PROS1: variants seen among roughly 807,000 people sequenced by gnomAD.
The protein encoded by PROS1 is protein S.
PROS1 carries 29 observed loss-of-function variants against 75.9 expected under a neutral mutation model. The ratio of observed to expected loss-of-function variants is 0.38; its 90% CI spans 0.28 to 0.52. The LOEUF is 0.52. PROS1 is among the 20% of genes least tolerant of loss of function. The pLI, the probability that PROS1 is intolerant of heterozygous loss-of-function variation, is 0.83. For missense variants in PROS1, 680 were observed against 810.3 expected (o/e 0.84, Z 1.95); for synonymous variants, 245 against 280.6 (o/e 0.87, Z 1.27).
At chr3:93,957,938 C>T (rs531323988) in intron 1 of PROS1, among the ~76,000 whole-genome samples, 4 of 152,010 alleles carry the variant, frequency 2.6e-5, no homozygotes, top group Admixed American at 2.0e-4. Flanking sequence ...AAATACAGAA[C>T]TTAGCTGGGC....
intron 1 of PROS1, among the ~76,000 whole-genome samples, chr3:93,962,519 A>G (rs1709722573): frequency 6.6e-6 from 1 of 152,212 alleles, no homozygotes; most frequent in Non-Finnish European, 1.5e-5. Context: ...TTACCTGAAT[A>G]ACTACACTGA....
chr3:93,907,615 T>G (rs1708695674), intron 4 of PROS1, among the ~76,000 whole-genome samples: 1 of 152,176 alleles, frequency 6.6e-6, no homozygotes, highest in Non-Finnish European at 1.5e-5. Flanking sequence ...CCTGTTCATC[T>G]TGCTCACCCT....
chr3:93,973,099 G>A (rs1709905126), intron 1 of PROS1, among the ~76,000 whole-genome samples: 1 of 152,106 alleles, frequency 6.6e-6, no homozygotes, highest in African/African-American at 2.4e-5. Flanking sequence ...AACGATCTGA[G>A]AAATAGAATA....
At chr3:93,902,790 C>T (rs1708616496) in intron 6 of PROS1, among the ~76,000 whole-genome samples, 1 of 151,864 alleles carries the variant, frequency 6.6e-6, no homozygotes, top group African/African-American at 2.4e-5. Flanking sequence ...AAAAGTTAAG[C>T]TTTATTCTTT....
At chr3:93,927,633 ATTATTCAGGTTTATACT>A (rs1709040158) in intron 1 of PROS1, among the ~76,000 whole-genome samples, 1 of 151,814 alleles carries the variant, frequency 6.6e-6, no homozygotes, top group African/African-American at 2.4e-5. Flanking sequence ...GTCTACACAA[ATTATTCAGGTTTATACT>A]TGAGGTTAAA....
chr3:93,883,593 C>CA (rs1180906948), intron 12 of PROS1, among the ~76,000 whole-genome samples: 20 of 143,940 alleles, frequency 1.4e-4, no homozygotes, highest in East Asian at 8.0e-4. Context: ...GACTCAGTCT[C>CA]AAAAAAAAAG....
Position 93,877,261 on chromosome 3 carries a change from G to C in PROS1, c.1645-70C>G, listed in dbSNP as rs1317554993. ...AATGCTGCTTAAGAGTGACTTTTGA[G>C]TTTTTGAAAGTCAAAAACTAAATTT... On this transcript the variant is annotated intron_variant, in intron 13 of 14. Transcript: ENST00000394236. 2.9e-5 allele frequency: 35 copies of C among 1,204,984 alleles called. No homozygotes were observed. In the Admixed American group the frequency reaches 7.0e-4, roughly 24 times the overall value. The allele number at this position is 1,204,984 out of a possible 1,614,324, so 74.6% of individuals were successfully genotyped here. A position where few individuals can be genotyped will look rare whatever the true frequency, so the allele number is the denominator to read the frequency against.
chr3:93,891,210 G>A (rs1708426854), intron 10 of PROS1, among the ~76,000 whole-genome samples: 1 of 152,100 alleles, frequency 6.6e-6, no homozygotes, highest in Non-Finnish European at 1.5e-5. Flanking sequence ...TGTCTCTTTT[G>A]TGCACCACAT....
chr3:93,927,850 C>CATATATAT (rs62909461), intron 1 of PROS1, among the ~76,000 whole-genome samples: 2,252 of 117,694 alleles, frequency 0.019, 38 homozygotes, highest in Admixed American at 0.043. Flanking sequence ...AAAAAACAAA[C>CATATATAT]ATATATATAT....
rs1196919400 is a variant in PROS1 at position 93,928,011 on chromosome 3, AT to A, written c.77-605del. The stretch of plus-strand genomic sequence containing the variant: ...TGTGTGTGTATATATATATATATAT[AT>A]TTTTTTTTTTTTTTTTTTTTGAGAC... On this transcript the variant is annotated intron_variant, in intron 1 of 14. Transcript: ENST00000394236. Among the ~76,000 whole-genome samples, 189 of 44,456 alleles carry A rather than the reference AT, an allele frequency of 4.3e-3. 1 individual carries two copies. The highest frequency in any genetic ancestry group is 0.012 in the African/African-American group (125 of 10,810). The allele number at this position is 44,456 out of a possible 152,430, so 29.2% of individuals were successfully genotyped here.
chr3:93,946,633 TA>T (rs1709404696), intron 1 of PROS1, among the ~76,000 whole-genome samples: 1 of 152,086 alleles, frequency 6.6e-6, no homozygotes, highest in Non-Finnish European at 1.5e-5. Flanking sequence ...ATCCCTTCCT[TA>T]CACCTTATAC....
intron 1 of PROS1, among the ~76,000 whole-genome samples, chr3:93,961,432 G>A (rs956039724): frequency 6.6e-6 from 1 of 152,194 alleles, no homozygotes; most frequent in Non-Finnish European, 1.5e-5. Flanking sequence ...ATGGTGAGAG[G>A]TCTCAGGAGC....
chr3:93,952,883 A>G (rs1294056775), intron 1 of PROS1, among the ~76,000 whole-genome samples: 2 of 152,230 alleles, frequency 1.3e-5, no homozygotes, highest in Admixed American at 1.3e-4. Context: ...ACAATAAAAA[A>G]TGATAAAGGA....
chr3:93,880,496 ACT>A (rs1213284468), intron 12 of PROS1, among the ~76,000 whole-genome samples: 1 of 151,850 alleles, frequency 6.6e-6, no homozygotes, highest in Non-Finnish European at 1.5e-5. Flanking sequence ...AAAGAGTGAG[ACT>A]CTGTCTCCAA....
chr3:93,901,875 T>C (rs1224795281), intron 6 of PROS1, among the ~76,000 whole-genome samples: 1 of 152,236 alleles, frequency 6.6e-6, no homozygotes, highest in African/African-American at 2.4e-5. Flanking sequence ...CTCTCTGTAT[T>C]ACTTCTTACA....
At chr3:93,890,197 C>T (rs1306874618) in intron 10 of PROS1, among the ~76,000 whole-genome samples, 2 of 152,092 alleles carry the variant, frequency 1.3e-5, no homozygotes, top group Non-Finnish European at 2.9e-5. Flanking sequence ...AAAAACCCCA[C>T]CCTGGTAAAT....
chr3:93,951,908 C>CA (rs1173459839), intron 1 of PROS1, among the ~76,000 whole-genome samples: 1 of 151,276 alleles, frequency 6.6e-6, no homozygotes, highest in African/African-American at 2.4e-5. Context: ...AAATGGGAAA[C>CA]AAAAAAAAGC....
chr3:93,916,585 A>G (rs1036084349), intron 3 of PROS1, among the ~76,000 whole-genome samples: 1 of 152,186 alleles, frequency 6.6e-6, no homozygotes, highest in African/African-American at 2.4e-5. Context: ...TCTCTTTCTT[A>G]CCACACAACA....
intron 3 of PROS1, among the ~76,000 whole-genome samples, chr3:93,915,779 C>CT (rs769516967): frequency 2.0e-4 from 30 of 151,180 alleles, no homozygotes; most frequent in African/African-American, 6.5e-4. Context: ...TGCATGTCTT[C>CT]TTTTTTTTTG....
Sources: allele counts gnomAD v4.1 joint callset (sites outside exome capture counted in the v4.1 genomes callset), GRCh38; gene constraint gnomAD v4.1.1; transcripts MANE v1.5; gene names NCBI Gene and HGNC (gene_info 2026-07-23, HGNC 2026-07-21).